The following ELAVL2 variants were observed in gnomAD, a reference collection of about 807,000 sequenced individuals.
ELAVL2 encodes ELAV like RNA binding protein 2.
Under a neutral mutation model 34.6 loss-of-function variants are expected in ELAVL2, and 4 were observed. The ratio of observed to expected loss-of-function variants is 0.12; its 90% CI spans 0.06 to 0.26. ELAVL2 has a LOEUF of 0.26. ELAVL2 is among the 10% of genes least tolerant of loss of function. The pLI, the probability that ELAVL2 is intolerant of heterozygous loss-of-function variation, is 1.00. For synonymous variants in ELAVL2, 193 were observed against 154.8 expected (o/e 1.25, Z -1.83); for missense variants, 432 against 442.8 (o/e 0.98, Z 0.22).
Position 23,705,415 on chromosome 9 carries a change from A to G in ELAVL2, c.334-344T>C, listed in dbSNP as rs1484158028. On this transcript the variant is annotated intron_variant, in intron 3 of 6. Coordinates refer to ENST00000397312, the MANE Select transcript of ELAVL2 (RefSeq NM_004432.5). ...ATTTGCGGAGGTATAGTGATTCAAC[A>G]ACTGCCTGCTCATTTTATCATTTGT... is the stretch of plus-strand genomic sequence containing the variant. 3.9e-5 allele frequency among the ~76,000 whole-genome samples: 6 copies of G among 152,226 alleles called. No individual in the cohort carries two copies. In the South Asian group the frequency reaches 1.2e-3, roughly 31 times the overall value.
At chr9:23,811,058 A>G (rs2062910819) in intron 1 of ELAVL2, among the ~76,000 whole-genome samples, 1 of 152,196 alleles carries the variant, frequency 6.6e-6, no homozygotes, top group African/African-American at 2.4e-5. Flanking sequence ...GTTACCATAG[A>G]AGTTGTACAA....
intron 3 of ELAVL2, among the ~76,000 whole-genome samples, chr9:23,708,619 T>C (rs768675188): frequency 4.6e-5 from 7 of 152,216 alleles, no homozygotes; most frequent in Admixed American, 2.0e-4. Context: ...AACAGGATGT[T>C]GCTAGAAATT....
intron 1 of ELAVL2, among the ~76,000 whole-genome samples, chr9:23,809,418 T>C (rs758797628): frequency 3.3e-5 from 5 of 152,106 alleles, no homozygotes; most frequent in Admixed American, 6.6e-5. Flanking sequence ...TTGGGGGACA[T>C]AGAATCAGGA....
intron 1 of ELAVL2, among the ~76,000 whole-genome samples, chr9:23,774,569 T>C (rs2057895365): frequency 1.3e-5 from 2 of 152,060 alleles, no homozygotes; most frequent in Non-Finnish European, 2.9e-5. Flanking sequence ...ATATACAGAG[T>C]ACTAACAGCC....
chr9:23,770,994 T>TG (rs1785465133), intron 1 of ELAVL2, among the ~76,000 whole-genome samples: 1 of 152,104 alleles, frequency 6.6e-6, no homozygotes, highest in South Asian at 2.1e-4. Flanking sequence ...CATAGGGCCT[T>TG]GAAGGCCACC....
chr9:23,704,529 T>A (rs1041654350), intron 4 of ELAVL2, among the ~76,000 whole-genome samples: 1 of 152,150 alleles, frequency 6.6e-6, no homozygotes, highest in Non-Finnish European at 1.5e-5. Flanking sequence ...AATCCTCCCT[T>A]GGAGAACTAG....
intron 2 of ELAVL2, among the ~76,000 whole-genome samples, chr9:23,738,939 AT>A (rs1443062119): frequency 2.0e-5 from 3 of 152,176 alleles, no homozygotes; most frequent in African/African-American, 4.8e-5. Flanking sequence ...TCTGCTGGCA[AT>A]GCGGCATGAC....
chr9:23,698,194 T>A (rs2035931003), intron 5 of ELAVL2, among the ~76,000 whole-genome samples: 1 of 152,126 alleles, frequency 6.6e-6, no homozygotes, highest in African/African-American at 2.4e-5. Flanking sequence ...GAAAAGAACA[T>A]GAAAAAATTT....
intron 1 of ELAVL2, among the ~76,000 whole-genome samples, chr9:23,796,548 CA>C (rs2060951738): frequency 6.6e-6 from 1 of 152,194 alleles, no homozygotes; most frequent in African/African-American, 2.4e-5. Context: ...ACAAAATTGC[CA>C]GATTAAAATT....
chr9:23,708,227 G>A (rs754782705), intron 3 of ELAVL2, among the ~76,000 whole-genome samples: 15 of 152,144 alleles, frequency 9.9e-5, no homozygotes, highest in Non-Finnish European at 1.9e-4. Context: ...AACTTACGTC[G>A]GTAACAATGT....
At chr9:23,832,212 T>C in the ELAVL2 span, 1 of 152,156 alleles carries the variant, frequency 6.6e-6, no homozygotes, top group African/African-American at 2.4e-5. Context: ...GATTCCAGAA[T>C]GATTTTTAGA....
intron 1 of ELAVL2, chr9:23,783,439 T>C: frequency 1.0e-6 from 1 of 985,274 alleles, no homozygotes; most frequent in African/African-American, 1.7e-5. Context: ...CTGGTACAAT[T>C]CTGCACAACT....
chr9:23,693,145 T>C (rs1410912115), intron 6 of ELAVL2, among the ~76,000 whole-genome samples: 1 of 152,166 alleles, frequency 6.6e-6, no homozygotes. Context: ...AAGAAATATA[T>C]TTAGAACTGG....
the ELAVL2 span, among the ~76,000 whole-genome samples, chr9:23,844,673 T>C: frequency 2.0e-5 from 3 of 151,970 alleles, no homozygotes; most frequent in South Asian, 6.2e-4. Context: ...TTAATGGTAA[T>C]GACCTCAGGT....
chr9:23,840,993 A>C, the ELAVL2 span, among the ~76,000 whole-genome samples: 2 of 152,168 alleles, frequency 1.3e-5, no homozygotes, highest in African/African-American at 2.4e-5. Flanking sequence ...ATGATTGTCT[A>C]ACAGAAACAC....
At chr9:23,747,902 A>G (rs1291336821) in intron 2 of ELAVL2, among the ~76,000 whole-genome samples, 2 of 152,150 alleles carry the variant, frequency 1.3e-5, no homozygotes, top group African/African-American at 4.8e-5. Flanking sequence ...AGGCCAAGAT[A>G]TAAGACCTAA....
intron 3 of ELAVL2, among the ~76,000 whole-genome samples, chr9:23,722,045 G>T (rs1027672971): frequency 6.6e-6 from 1 of 152,138 alleles, no homozygotes; most frequent in Non-Finnish European, 1.5e-5. Context: ...CCCAAAAGCA[G>T]CATGTCAAGA....
intron 1 of ELAVL2, chr9:23,821,558 G>A (rs2064734633): frequency 6.6e-6 from 1 of 152,424 alleles, no homozygotes; most frequent in African/African-American, 2.4e-5. Flanking sequence ...AATGGACCAG[G>A]GGCAAGGCGC....
chr9:23,836,276 A>G, the ELAVL2 span, among the ~76,000 whole-genome samples: 2 of 152,320 alleles, frequency 1.3e-5, no homozygotes, highest in Admixed American at 1.3e-4. Flanking sequence ...TGTCACATAA[A>G]TGAATGGCAT....
Sources: allele counts gnomAD v4.1 joint callset (sites outside exome capture counted in the v4.1 genomes callset), GRCh38; gene constraint gnomAD v4.1.1; transcripts MANE v1.5; gene names NCBI Gene and HGNC (gene_info 2026-07-23, HGNC 2026-07-21).